Variants in PLCH1 observed in about 807,000 individuals in gnomAD.
The protein encoded by PLCH1 is 1-phosphatidylinositol 4,5-bisphosphate phosphodiesterase eta-1.
Under a neutral mutation model 126.7 loss-of-function variants are expected in PLCH1, and 60 were observed. The ratio of observed to expected loss-of-function variants is 0.47; its 90% confidence interval spans 0.38 to 0.59. The LOEUF is 0.59. PLCH1 is among the 20% of genes least tolerant of loss of function. The pLI, the probability that PLCH1 is intolerant of heterozygous loss-of-function variation, is 0.00. For missense variants in PLCH1, 1,723 were observed against 2,040.0 expected (o/e 0.84, Z 2.99); for synonymous variants, 719 against 734.9 (o/e 0.98, Z 0.35).
chr3:155,478,100 G>A (rs1713623254), downstream of PLCH1, among the ~76,000 whole-genome samples: 1 of 152,174 alleles, frequency 6.6e-6, no homozygotes, highest in Non-Finnish European at 1.5e-5. Context: ...ACAACAACAT[G>A]GATGGAACTG....
At chr3:155,551,655 A>G (rs1430443069) in intron 9 of PLCH1, among the ~76,000 whole-genome samples, 1 of 121,548 alleles carries the variant, frequency 8.2e-6, no homozygotes, top group African/African-American at 3.2e-5. Flanking sequence ...GTTGCTTTCC[A>G]CCCTACGCTG....
Position 155,583,586 on chromosome 3 carries a change from A to G in PLCH1, c.657T>C (p.Phe219=). Reference sequence around the variant, plus strand: ...CTCGTCTCAAAGACATCATTTTGTAAAAAACACAGAACTCTTCAAATGTCA... The same window carrying G: ...CTCGTCTCAAAGACATCATTTTGTAGAAAACACAGAACTCTTCAAATGTCA... The part of the protein sequence containing the change: ...GTLTFEEFCV[F]YKMMSLRRDL... Residue 219 remains phenylalanine (F), a synonymous_variant, in exon 6 of 23, where the codon TTT becomes TTC. Coordinates refer to ENST00000460012, the MANE Select transcript of PLCH1 (RefSeq NM_014996.4). 1 of 1,604,388 alleles carries G rather than the reference A, an allele frequency of 6.2e-7. No individual in the cohort carries two copies. Among genetic ancestry groups the G allele is most frequent in the Non-Finnish European group, 8.5e-7 (1 of 1,177,340 alleles).
chr3:155,709,830 C>T (rs75226977), intron 1 of PLCH1, among the ~76,000 whole-genome samples: 46 of 152,270 alleles, frequency 3.0e-4, no homozygotes, highest in Non-Finnish European at 5.0e-4. Context: ...GTTGCCCAGG[C>T]TGGTCTCAAA....
intron 2 of PLCH1, among the ~76,000 whole-genome samples, chr3:155,701,580 G>A (rs1293139541): frequency 2.6e-5 from 4 of 152,174 alleles, no homozygotes; most frequent in Admixed American, 6.5e-5. Flanking sequence ...TGTTATGTAA[G>A]GAGAGTTATC....
chr3:155,472,191 A>G (rs1257767368), intron 21 of PLCH1, among the ~76,000 whole-genome samples: 2 of 152,068 alleles, frequency 1.3e-5, no homozygotes, highest in African/African-American at 2.4e-5. Flanking sequence ...CAAGACTAAT[A>G]AAGAAAAAAA....
At chr3:155,519,240 A>G (rs60135229) in intron 11 of PLCH1, among the ~76,000 whole-genome samples, 11,964 of 152,234 alleles carry the variant, frequency 0.079, 1,050 homozygotes, top group African/African-American at 0.22. Flanking sequence ...GCTGAAAGCC[A>G]TATGTATCTT....
At chr3:155,560,875 TCTC>T (rs1158516649) in intron 8 of PLCH1, among the ~76,000 whole-genome samples, 2 of 152,148 alleles carry the variant, frequency 1.3e-5, no homozygotes, top group Non-Finnish European at 2.9e-5. Flanking sequence ...CCTTTGGAAT[TCTC>T]CTCAACCTCC....
chr3:155,464,654 C>T (rs765590670), intron 21 of PLCH1, among the ~76,000 whole-genome samples: 13 of 152,098 alleles, frequency 8.5e-5, no homozygotes, highest in Non-Finnish European at 1.8e-4. Context: ...CCGAATGAGT[C>T]CCTTTTCCAT....
chr3:155,661,317 C>G (rs548455379), intron 2 of PLCH1, among the ~76,000 whole-genome samples: 1 of 152,274 alleles, frequency 6.6e-6, no homozygotes, highest in African/African-American at 2.4e-5. Flanking sequence ...GGTCACAGAG[C>G]AACCCTAGCT....
intron 2 of PLCH1, among the ~76,000 whole-genome samples, chr3:155,678,595 C>T (rs889296866): frequency 6.6e-6 from 1 of 152,218 alleles, no homozygotes; most frequent in African/African-American, 2.4e-5. Flanking sequence ...TGAATAACCA[C>T]ATCTCTGAAA....
intron 10 of PLCH1, among the ~76,000 whole-genome samples, chr3:155,544,161 A>G (rs895880778): frequency 6.6e-6 from 1 of 152,232 alleles, no homozygotes; most frequent in African/African-American, 2.4e-5. Flanking sequence ...GCAGACACAC[A>G]CATAGGCTCA....
At chr3:155,525,617 T>G (rs896019279) in intron 10 of PLCH1, among the ~76,000 whole-genome samples, 9 of 152,188 alleles carry the variant, frequency 5.9e-5, no homozygotes, top group Admixed American at 3.3e-4. Flanking sequence ...TTAACACTTA[T>G]GCCTCACTTT....
Position 155,676,289 on chromosome 3 carries a change from C to G in PLCH1, c.79+27857G>C, listed in dbSNP as rs73876909. 1,398 of 1,164,610 alleles carry G rather than the reference C, an allele frequency of 1.2e-3. 20 individuals carry two copies. The African/African-American group carries it at 0.019, about 16-fold the overall frequency. The allele number at this position is 1,164,610 out of a possible 1,614,324, so 72.1% of individuals were successfully genotyped here. A position where few individuals can be genotyped will look rare whatever the true frequency, so the allele number is the denominator to read the frequency against. ...GAACTTTGTCCCAAAGTGAAAAGCA[C>G]AGCCAGATAAGCACGCTGGAAGCAT... On this transcript the variant is annotated intron_variant, in intron 2 of 22. Transcript: ENST00000460012.
intron 2 of PLCH1, among the ~76,000 whole-genome samples, chr3:155,630,362 G>A (rs1737883485): frequency 6.6e-6 from 1 of 152,184 alleles, no homozygotes; most frequent in South Asian, 2.1e-4. Flanking sequence ...GATTTTAATC[G>A]ATTTGTGTTA....
At chr3:155,530,890 A>T (rs975199894) in intron 10 of PLCH1, among the ~76,000 whole-genome samples, 4 of 152,244 alleles carry the variant, frequency 2.6e-5, no homozygotes, top group African/African-American at 9.6e-5. Flanking sequence ...TATACATAGA[A>T]CAACGAGCTA....
At chr3:155,460,210 T>TGATTG (rs1288995789) in intron 21 of PLCH1, among the ~76,000 whole-genome samples, 1 of 152,212 alleles carries the variant, frequency 6.6e-6, no homozygotes, top group Non-Finnish European at 1.5e-5. Flanking sequence ...TAGAACCCAG[T>TGATTG]GATTGAAAGG....
At chr3:155,486,098 T>C in intron 21 of PLCH1, 2 of 1,214,412 alleles carry the variant, frequency 1.6e-6, no homozygotes, top group Non-Finnish European at 2.3e-6. Context: ...CCATAACCAC[T>C]TAAAAAGAAA....
chr3:155,704,197 TC>T lies in PLCH1; in HGVS notation c.27del (p.Asn10ThrfsTer22). 1 of 1,230,088 alleles carries T rather than the reference TC, an allele frequency of 8.1e-7. No homozygotes were observed. The highest frequency in any genetic ancestry group is 1.0e-6 in the Non-Finnish European group (1 of 986,512). The allele number at this position is 1,230,088 out of a possible 1,614,324, so 76.2% of individuals were successfully genotyped here. On this transcript the variant is annotated frameshift_variant, in exon 2 of 23. Transcript: ENST00000460012. LOFTEE classifies it high-confidence loss of function. MSYWNLEK[R>X]NCVQYRRHFL... ...AAATGCCTGCGGTACTGCACACAGT[TC>T]CTTTTTTCCAAGTTCCAGTAACTCA...
chr3:155,543,169 G>T (rs914428770), intron 10 of PLCH1, among the ~76,000 whole-genome samples: 2 of 152,064 alleles, frequency 1.3e-5, no homozygotes, highest in African/African-American at 2.4e-5. Context: ...ATAACTAGAA[G>T]AACCAATACA....
Sources: gnomAD v4.1 joint callset for allele counts (sites outside exome capture counted in the v4.1 genomes callset) on GRCh38, gnomAD v4.1.1 for gene constraint, MANE v1.5 for transcripts, NCBI Gene and HGNC (gene_info 2026-07-23, HGNC 2026-07-21) for gene names.